SPAM1: variants seen among roughly 807,000 people sequenced by gnomAD.
SPAM1 encodes hyaluronidase PH-20.
A neutral mutation model predicts 29.6 loss-of-function variants in SPAM1; 22 were observed. The observed-to-expected ratio is 0.74, with a 90% CI of 0.53 to 1.06. SPAM1 has a LOEUF of 1.06. Ranked by LOEUF, SPAM1 falls within the 50% of genes least tolerant of loss-of-function variation. The pLI is 0.00. For synonymous variants in SPAM1, 194 were observed against 204.6 expected (o/e 0.95, Z 0.44); for missense variants, 534 against 604.0 (o/e 0.88, Z 1.21).
At chr7:123,927,125 C>A (rs922247645) in intron 1 of SPAM1, among the ~76,000 whole-genome samples, 5 of 152,002 alleles carry the variant, frequency 3.3e-5, no homozygotes, top group African/African-American at 1.2e-4. Context: ...TATGTAGGGT[C>A]CAATAAAACC....
chr7:123,961,673 G>T (rs956680946), downstream of SPAM1, among the ~76,000 whole-genome samples: 2 of 151,782 alleles, frequency 1.3e-5, no homozygotes, highest in African/African-American at 4.8e-5. Flanking sequence ...TTTTTCCTTT[G>T]CTGTATCCTA....
At chr7:123,950,202 T>C (rs1808715397) in intron 2 of SPAM1, among the ~76,000 whole-genome samples, 1 of 152,164 alleles carries the variant, frequency 6.6e-6, no homozygotes, top group Non-Finnish European at 1.5e-5. Context: ...AGGTTCTCTA[T>C]TAGGGTACCT....
chr7:123,960,342 G>A (rs770772591), downstream of SPAM1, among the ~76,000 whole-genome samples: 7 of 152,026 alleles, frequency 4.6e-5, no homozygotes, highest in Non-Finnish European at 7.4e-5. Context: ...TTAAGAACTC[G>A]AAAGTGAAAA....
chr7:123,953,542 A>C lies in SPAM1; in HGVS notation c.-29A>C. 1 of 1,437,974 alleles carries C rather than the reference A, an allele frequency of 7.0e-7. No homozygotes were observed. The highest frequency in any genetic ancestry group is 2.3e-5 in the East Asian group (1 of 43,826). The allele number at this position is 1,437,974 out of a possible 1,614,324, so 89.1% of individuals were successfully genotyped here. ...TAAACCAAAGTGTGTAGGAAGAAAT[A>C]AATGTTTTCATAGTCATTACTCTTT... On this transcript the variant is annotated 5_prime_UTR_variant, in exon 3 of 5. Coordinates refer to ENST00000682466, the MANE Select transcript of SPAM1 (RefSeq NM_153189.3).
chr7:123,959,889 G>A lies in SPAM1; in HGVS notation c.1450G>A (p.Ala484Thr), dbSNP rs776605851. The change falls in exon 5 of 5, where the codon GCT (alanine) becomes ACT (threonine). Residue 484 changes from alanine (A) to threonine (T), a missense_variant. Transcript: ENST00000682466. ...ETEEPQIFYN[A>T]SPSTLSATMF... is the part of the protein sequence containing the mutation. The stretch of plus-strand genomic sequence containing the variant: ...AGAAGAACCTCAAATTTTCTACAAT[G>A]CTTCACCCTCCACACTATCTGCCAC... 1.9e-6 allele frequency: 3 copies of A among 1,612,878 alleles called. No homozygotes were observed. The highest frequency in any genetic ancestry group is 1.7e-5 in the Admixed American group (1 of 59,834).
At chr7:123,966,871 C>T (rs1792431682) in intron 5 of SPAM1, among the ~76,000 whole-genome samples, 1 of 151,934 alleles carries the variant, frequency 6.6e-6, no homozygotes, top group African/African-American at 2.4e-5. Context: ...ACCTATGTAA[C>T]AAAACTGCAC....
chr7:123,927,774 G>A (rs184312447), intron 1 of SPAM1, among the ~76,000 whole-genome samples: 300 of 152,204 alleles, frequency 2.0e-3, no homozygotes, highest in African/African-American at 6.7e-3. Context: ...CTACAGGGTC[G>A]AAATTGGTTT....
chr7:123,964,414 A>T (rs1239547106), downstream of SPAM1, among the ~76,000 whole-genome samples: 1 of 151,920 alleles, frequency 6.6e-6, no homozygotes, highest in Non-Finnish European at 1.5e-5. Flanking sequence ...TAGATAATAG[A>T]TATAAGGAAA....
chr7:123,929,233 C>T (rs1807991458), intron 1 of SPAM1, among the ~76,000 whole-genome samples: 1 of 152,126 alleles, frequency 6.6e-6, no homozygotes, highest in East Asian at 1.9e-4. Context: ...CAACCTTAGA[C>T]CAATTCACCT....
At position 123,951,540 on chromosome 7, in the gene SPAM1, T is replaced by C. The variant is rs936190265; in HGVS notation, c.-207+1557T>C. Among the ~76,000 whole-genome samples, 3 of 152,156 alleles carry C rather than the reference T, an allele frequency of 2.0e-5. No individual in the cohort carries two copies. In the East Asian group the frequency reaches 5.8e-4, roughly 29 times the overall value. On this transcript the variant is annotated intron_variant, in intron 2 of 4. Coordinates refer to ENST00000682466, the MANE Select transcript of SPAM1 (RefSeq NM_153189.3). ...ATTTCATTGAGTAAAATTTCAAGCA[T>C]AGAAGTGTCCATTCTTTTTTGAAGA...
At chr7:123,930,697 A>G (rs903529130) in intron 1 of SPAM1, among the ~76,000 whole-genome samples, 1 of 152,192 alleles carries the variant, frequency 6.6e-6, no homozygotes, top group African/African-American at 2.4e-5. Context: ...CTCCTTATAG[A>G]CTGGGACCTT....
intron 1 of SPAM1, among the ~76,000 whole-genome samples, chr7:123,933,262 T>A (rs1289482401): frequency 6.6e-6 from 1 of 151,950 alleles, no homozygotes; most frequent in Non-Finnish European, 1.5e-5. Context: ...GATGTTCCCC[T>A]CCCTGTGACC....
downstream of SPAM1, among the ~76,000 whole-genome samples, chr7:123,960,488 A>T (rs1019483626): frequency 3.4e-5 from 4 of 116,758 alleles, no homozygotes; most frequent in African/African-American, 1.5e-4. Context: ...GGAAGAGATA[A>T]GGGAAAAGAA....
At chr7:123,938,183 G>C (rs2117032699) in intron 1 of SPAM1, among the ~76,000 whole-genome samples, 1 of 151,776 alleles carries the variant, frequency 6.6e-6, no homozygotes, top group South Asian at 2.1e-4. Context: ...GCACAGTGCA[G>C]TCTCAAACTC....
chr7:123,966,277 C>A (rs1792423778), intron 5 of SPAM1, among the ~76,000 whole-genome samples: 1 of 151,986 alleles, frequency 6.6e-6, no homozygotes, highest in Non-Finnish European at 1.5e-5. Flanking sequence ...ACAACAGATG[C>A]TGGTGAGGTT....
chr7:123,925,838 A>G (rs1489444926), intron 1 of SPAM1: 2 of 152,076 alleles, frequency 1.3e-5, no homozygotes. Context: ...ATTAAGTCAT[A>G]AGAGAATGGA....
At chr7:123,932,770 C>A (rs1490382580) in intron 1 of SPAM1, among the ~76,000 whole-genome samples, 3 of 152,184 alleles carry the variant, frequency 2.0e-5, no homozygotes, top group African/African-American at 7.2e-5. Flanking sequence ...TTGCCATTTT[C>A]ATTTGACCAG....
At chr7:123,935,970 A>C (rs1808234330) in intron 1 of SPAM1, among the ~76,000 whole-genome samples, 1 of 152,194 alleles carries the variant, frequency 6.6e-6, no homozygotes, top group Non-Finnish European at 1.5e-5. Context: ...ATGACTCACT[A>C]TAGGTTGTGA....
intron 1 of SPAM1, 161 bp downstream of exon 1, chr7:123,925,513 T>C (rs1807849769): frequency 6.6e-6 from 1 of 152,176 alleles, no homozygotes; most frequent in African/African-American, 2.4e-5. Flanking sequence ...GAAGTTTTAA[T>C]GAGTAATCCA....
Sources: gnomAD v4.1 joint callset for allele counts (sites outside exome capture counted in the v4.1 genomes callset) on GRCh38, gnomAD v4.1.1 for gene constraint, MANE v1.5 for transcripts, NCBI Gene and HGNC (gene_info 2026-07-23, HGNC 2026-07-21) for gene names.